The following ERGIC2 variants were observed in gnomAD, a reference collection of about 807,000 sequenced individuals.
ERGIC2 encodes ERGIC and golgi 2, also known as endoplasmic reticulum-Golgi intermediate compartment protein 2.
A neutral mutation model predicts 52.5 loss-of-function variants in ERGIC2; 31 were observed. The observed-to-expected ratio is 0.59, with a 90% CI of 0.44 to 0.80. The LOEUF (loss-of-function observed/expected upper bound fraction) is 0.80, where lower values mean the gene tolerates loss of function less well. Ranked by LOEUF, ERGIC2 falls within the 30% of genes least tolerant of loss-of-function variation. The probability of loss-of-function intolerance (pLI) is 0.00; values close to 1 mark genes in which losing one functional copy is unlikely to be tolerated. For missense variants in ERGIC2, 395 were observed against 455.2 expected (o/e 0.87, Z 1.20); for synonymous variants, 129 against 140.6 (o/e 0.92, Z 0.58).
chr12:29,369,467 T>C (rs1271065223), intron 3 of ERGIC2, among the ~76,000 whole-genome samples: 1 of 151,912 alleles, frequency 6.6e-6, no homozygotes, highest in Non-Finnish European at 1.5e-5. Context: ...TGTCTGTACT[T>C]TACAAAAAAG....
At position 29,341,125 on chromosome 12, in the gene ERGIC2, CA is replaced by C. The variant is rs35174441; in HGVS notation, c.*30del. 6.5e-7 allele frequency: 1 copy of C among 1,529,850 alleles called. No individual in the cohort carries two copies. Among genetic ancestry groups the C allele is most frequent in the Non-Finnish European group, 9.0e-7 (1 of 1,115,014 alleles). 94.8% of individuals were successfully genotyped at this position (1,529,850 alleles called of 1,614,324 possible). On this transcript the variant is annotated 3_prime_UTR_variant, in exon 14 of 14. Coordinates refer to ENST00000360150, the MANE Select transcript of ERGIC2 (RefSeq NM_016570.3). ...TTAAAAAAAGGTTTTATGTCTCAGG[CA>C]AAAAGTTTTTCTCCTTCAATCGGGA...
At chr12:29,357,786 C>A (rs1940229527) in intron 6 of ERGIC2, 62 bp from the exon 7 acceptor site, 3 of 886,818 alleles carry the variant, frequency 3.4e-6, no homozygotes, top group East Asian at 2.4e-5. Flanking sequence ...GACACTTATT[C>A]AAAAATGACA....
chr12:29,346,146 G>A (rs920336608), intron 10 of ERGIC2, among the ~76,000 whole-genome samples: 3 of 150,596 alleles, frequency 2.0e-5, no homozygotes, highest in Non-Finnish European at 3.0e-5. Context: ...CCTTAAAATC[G>A]TTAACATCCT....
intron 7 of ERGIC2, among the ~76,000 whole-genome samples, chr12:29,356,907 T>C (rs769888614): frequency 1.3e-5 from 2 of 152,174 alleles, no homozygotes; most frequent in East Asian, 3.9e-4. Context: ...CCTAAGCAAA[T>C]GTAAAATCTT....
At chr12:29,354,327 T>A (rs1940173329) in intron 8 of ERGIC2, among the ~76,000 whole-genome samples, 1 of 152,208 alleles carries the variant, frequency 6.6e-6, no homozygotes, top group South Asian at 2.1e-4. Flanking sequence ...TTTCTGAATA[T>A]CATCTCATCA....
chr12:29,375,020 A>G (rs1355671285), intron 1 of ERGIC2, among the ~76,000 whole-genome samples: 1 of 152,086 alleles, frequency 6.6e-6, no homozygotes, highest in Non-Finnish European at 1.5e-5. Flanking sequence ...TTCAAACCCA[A>G]TCACTCACAG....
chr12:29,359,358 G>A (rs1940252203), intron 6 of ERGIC2, among the ~76,000 whole-genome samples: 1 of 151,792 alleles, frequency 6.6e-6, no homozygotes, highest in African/African-American at 2.4e-5. Context: ...GGGGTTTGAT[G>A]ACAACAAACT....
chr12:29,361,567 G>A, intron 6 of ERGIC2, 78 bp downstream of exon 6: 2 of 1,053,440 alleles, frequency 1.9e-6, no homozygotes, highest in Admixed American at 2.3e-5. Context: ...AGAGAAATGT[G>A]TTAATCTATA....
rs115066422 is a variant in ERGIC2, at chr12:29,357,927, T to C, written c.375-203A>G. Among the ~76,000 whole-genome samples, 545 of 152,330 alleles carry C rather than the reference T, an allele frequency of 3.6e-3. 6 individuals are homozygous for C. Among genetic ancestry groups the C allele is most frequent in the African/African-American group, 0.012 (485 of 41,578 alleles). ...CAGGGTGGCTAAGAGGTCTAATAGC[T>C]GAGCTCCATAAGCTTGTTTGATTCC... On this transcript the variant is annotated intron_variant, in intron 6 of 13. Transcript: ENST00000360150.
intron 5 of ERGIC2, among the ~76,000 whole-genome samples, chr12:29,365,290 C>T (rs1343704132): frequency 1.3e-5 from 2 of 151,886 alleles, no homozygotes. Flanking sequence ...AAAGAAGAAA[C>T]TTTTATCCTT....
chr12:29,349,162 T>C lies in ERGIC2; in HGVS notation c.644A>G (p.His215Arg). 1 of 1,552,772 alleles carries C rather than the reference T, an allele frequency of 6.4e-7. No homozygotes were observed. The highest frequency in any genetic ancestry group is 1.4e-5 in the African/African-American group (1 of 71,136). Reference sequence around the variant, plus strand: ...TCCAAAAGACAAATGATCTATTCTATGAGAAAAATTGTAAGCTAAAAGGCA... The same window carrying C: ...TCCAAAAGACAAATGATCTATTCTACGAGAAAAATTGTAAGCTAAAAGGCA... ...LVNHESYNFS[H>R]RIDHLSFGEL... Residue 215 changes from histidine to arginine, a missense_variant, in exon 10 of 14, where the codon CAT becomes CGT. Coordinates refer to ENST00000360150, the MANE Select transcript of ERGIC2 (RefSeq NM_016570.3).
chr12:29,362,065 C>G (rs563965096), intron 5 of ERGIC2, among the ~76,000 whole-genome samples: 1 of 152,038 alleles, frequency 6.6e-6, no homozygotes, highest in Non-Finnish European at 1.5e-5. Flanking sequence ...CATCCAAAGC[C>G]CAAATTCTTG....
intron 6 of ERGIC2, among the ~76,000 whole-genome samples, chr12:29,359,399 T>C (rs781651529): frequency 7.2e-4 from 110 of 152,060 alleles, no homozygotes; most frequent in Admixed American, 1.9e-3. Flanking sequence ...GTATATATTA[T>C]GTGTGTTTAT....
intron 8 of ERGIC2, among the ~76,000 whole-genome samples, chr12:29,350,640 CAT>C (rs1406405108): frequency 2.6e-5 from 4 of 151,988 alleles, no homozygotes; most frequent in African/African-American, 4.8e-5. Context: ...TACTTATAAA[CAT>C]GTTATTATAT....
chr12:29,356,356 A>G, intron 8 of ERGIC2, 26 bp downstream of exon 8: 1 of 1,316,580 alleles, frequency 7.6e-7, no homozygotes, highest in Non-Finnish European at 1.1e-6. Context: ...TGTCTAAAGT[A>G]TTTTCAGTAA....
chr12:29,366,059 A>G (rs1392349230), intron 5 of ERGIC2, among the ~76,000 whole-genome samples: 1 of 151,678 alleles, frequency 6.6e-6, no homozygotes, highest in Non-Finnish European at 1.5e-5. Flanking sequence ...AGTCACTTCT[A>G]CTCCCCCTCC....
At chr12:29,361,769 G>T in intron 5 of ERGIC2, 84 bp from the exon 6 acceptor site, 1 of 1,106,366 alleles carries the variant, frequency 9.0e-7, no homozygotes, top group Non-Finnish European at 1.3e-6. Context: ...TCTTTGAGCA[G>T]GAAACATAAA....
At chr12:29,343,021 A>G in intron 12 of ERGIC2, 99 bp downstream of exon 12, 1 of 1,021,062 alleles carries the variant, frequency 9.8e-7, no homozygotes, top group Non-Finnish European at 1.4e-6. Flanking sequence ...TTAAACACCG[A>G]AACATGAAAA....
At chr12:29,362,403 C>T (rs1249069023) in intron 5 of ERGIC2, among the ~76,000 whole-genome samples, 1 of 152,040 alleles carries the variant, frequency 6.6e-6, no homozygotes, top group Non-Finnish European at 1.5e-5. Flanking sequence ...TGGTGAAACC[C>T]TGCCTCTACT....
Sources: allele counts gnomAD v4.1 joint callset (sites outside exome capture counted in the v4.1 genomes callset), GRCh38; gene constraint gnomAD v4.1.1; transcripts MANE v1.5; gene names NCBI Gene and HGNC (gene_info 2026-07-23, HGNC 2026-07-21).